Variants in PCSK6 observed in about 807,000 individuals in gnomAD.
PCSK6 encodes paired basic amino acid cleaving enzyme 4.
A neutral mutation model predicts 123.3 loss-of-function variants in PCSK6; 85 were observed. The ratio of observed to expected loss-of-function variants is 0.69; its 90% CI spans 0.58 to 0.83. The LOEUF (loss-of-function observed/expected upper bound fraction) is 0.83. Ranked by LOEUF, PCSK6 falls within the 40% of genes least tolerant of loss-of-function variation. The pLI is 0.00. For missense variants in PCSK6, 1,191 were observed against 1,282.3 expected (o/e 0.93, Z 1.09); for synonymous variants, 508 against 516.0 (o/e 0.98, Z 0.21).
chr15:101,431,452 G>T lies in PCSK6; in HGVS notation c.525C>A (p.Asp175Glu), dbSNP rs1264289494. The T allele has an allele frequency of 6.2e-7, 1 of 1,613,662 alleles. No individual in the cohort carries two copies. Among genetic ancestry groups the T allele is most frequent in the Non-Finnish European group, 8.5e-7 (1 of 1,179,786 alleles). Residue 175 changes from aspartate to glutamate, a missense_variant, in exon 4 of 22, where the codon GAC becomes GAA. Around this residue, in one of 3 missense-constraint regions of PCSK6, gnomAD observed 357 missense variants for 484.5 expected, o/e 0.74. Transcript: ENST00000611716. ...TTTCCGACCGGCAGCGACTGTTCTT[G>T]TCGCCACAATGCTGTAAGCACGAAA... The part of the protein sequence containing the change: ...WSNMWYLHCG[D>E]KNSRCRSEMN...
At chr15:101,449,779 A>C (rs1466898476) in intron 1 of PCSK6, among the ~76,000 whole-genome samples, 3 of 152,084 alleles carry the variant, frequency 2.0e-5, no homozygotes. Context: ...AGATACCGAG[A>C]AGACAGGCCC....
intron 2 of PCSK6, among the ~76,000 whole-genome samples, chr15:101,434,312 T>C (rs2412013): frequency 0.6 from 90,751 of 152,120 alleles, 28,338 homozygotes; most frequent in African/African-American, 0.79. Flanking sequence ...CTGAACTCTC[T>C]GTTCTAACAA....
chr15:101,471,836 A>T (rs958223322), intron 1 of PCSK6, among the ~76,000 whole-genome samples: 2 of 151,730 alleles, frequency 1.3e-5, no homozygotes, highest in African/African-American at 4.8e-5. Flanking sequence ...CAGTTCTAGA[A>T]CCTCCTCTGA....
At chr15:101,364,870 C>G in intron 13 of PCSK6, 1 of 591,244 alleles carries the variant, frequency 1.7e-6, no homozygotes, top group Non-Finnish European at 3.2e-6. Flanking sequence ...AAAGAACCAC[C>G]AAGTTGGAGG....
At chr15:101,436,431 CTT>C (rs2056603992) in intron 2 of PCSK6, among the ~76,000 whole-genome samples, 1 of 152,226 alleles carries the variant, frequency 6.6e-6, no homozygotes, top group South Asian at 2.1e-4. Context: ...TCGGCCAGCT[CTT>C]TCTTTTCTCT....
At chr15:101,363,334 G>T (rs1596235474) in intron 13 of PCSK6, among the ~76,000 whole-genome samples, 1 of 152,292 alleles carries the variant, frequency 6.6e-6, no homozygotes, top group South Asian at 2.1e-4. Context: ...GGTTTCCAGG[G>T]CTATGCCATG....
chr15:101,441,845 C>T (rs765800875), intron 2 of PCSK6, among the ~76,000 whole-genome samples: 2 of 152,220 alleles, frequency 1.3e-5, no homozygotes, highest in East Asian at 1.9e-4. Context: ...TTTCTTCACA[C>T]GGCAGATCAA....
At chr15:101,382,379 C>T (rs1346479953) in intron 10 of PCSK6, among the ~76,000 whole-genome samples, 170 bp from the exon 11 acceptor site, 1 of 152,188 alleles carries the variant, frequency 6.6e-6, no homozygotes, top group African/African-American at 2.4e-5. Flanking sequence ...GCTCAAAGGT[C>T]CCAGCTGCCT....
At chr15:101,306,582 T>C (rs1263663549) in intron 21 of PCSK6, among the ~76,000 whole-genome samples, 1 of 152,218 alleles carries the variant, frequency 6.6e-6, no homozygotes, top group Non-Finnish European at 1.5e-5. Flanking sequence ...CAATGACTCC[T>C]GCACTGCACC....
rs77593709 is a variant in PCSK6, at chr15:101,314,084, T to C, written c.2570-579A>G. On this transcript the variant is annotated intron_variant, in intron 19 of 21. Transcript: ENST00000611716. Reference sequence around the variant, plus strand: ...TGACGGGGGAAGATGAAAGAAGAGATCTTTGGGAATGGTGTTGACAGGTGT... The same window carrying C: ...TGACGGGGGAAGATGAAAGAAGAGACCTTTGGGAATGGTGTTGACAGGTGT... Among the ~76,000 whole-genome samples, 1,139 of 152,264 alleles carry C rather than the reference T, an allele frequency of 7.5e-3. 47 individuals carry two copies. The East Asian group carries it at 0.097, about 13-fold the overall frequency.
At position 101,322,553 on chromosome 15, in the gene PCSK6, G is replaced by A. The variant is rs2040151041; in HGVS notation, c.2432C>T (p.Pro811Leu). 1 of 1,613,708 alleles carries A rather than the reference G, an allele frequency of 6.2e-7. No individual in the cohort carries two copies. The highest frequency in any genetic ancestry group is 8.5e-7 in the Non-Finnish European group (1 of 1,179,696). ...TTCTTTACAGACAGTACATTTCTCA[G>A]GTTCATCCACGCACTTTTTACAGCT... is the stretch of plus-strand genomic sequence containing the variant. ...HPSCKKCVDE[P>L]EKCTVCKEGF... The change falls in exon 18 of 22, where the codon CCT (proline) becomes CTT (leucine). Residue 811 changes from proline (P) to leucine (L), a missense_variant. By Grantham distance (98) the Pro-to-Leu change is moderately conservative (BLOSUM62 -3). This residue lies in a region of PCSK6 where 630 missense variants were observed against 631.4 expected (regional missense o/e 1.00). Transcript: ENST00000611716.
chr15:101,316,010 C>T (rs2039983248), intron 19 of PCSK6, among the ~76,000 whole-genome samples: 1 of 152,234 alleles, frequency 6.6e-6, no homozygotes, highest in South Asian at 2.1e-4. Flanking sequence ...ACCCTCCCCA[C>T]GACTGTGCCC....
intron 17 of PCSK6, among the ~76,000 whole-genome samples, chr15:101,323,750 G>A (rs1214068623): frequency 6.6e-6 from 1 of 151,842 alleles, no homozygotes; most frequent in Non-Finnish European, 1.5e-5. Flanking sequence ...AAAAAAAGGG[G>A]GTGTCTTGTT....
At chr15:101,336,561 C>T (rs1452782091) in intron 13 of PCSK6, among the ~76,000 whole-genome samples, 7 of 152,174 alleles carry the variant, frequency 4.6e-5, no homozygotes, top group Admixed American at 3.9e-4. Flanking sequence ...GCATCCTTTT[C>T]ATATAATTAA....
intron 1 of PCSK6, among the ~76,000 whole-genome samples, chr15:101,488,992 G>A (rs1182866882): frequency 6.7e-6 from 1 of 150,290 alleles, no homozygotes; most frequent in Non-Finnish European, 1.5e-5. Flanking sequence ...ACCCAGCGGC[G>A]GACGGCGCGC....
chr15:101,383,557 G>A (rs1224365318), intron 10 of PCSK6, among the ~76,000 whole-genome samples: 1 of 152,158 alleles, frequency 6.6e-6, no homozygotes, highest in African/African-American at 2.4e-5. Flanking sequence ...GTACCAGGCT[G>A]GGCTGAGGGT....
intron 6 of PCSK6, among the ~76,000 whole-genome samples, chr15:101,399,495 G>T (rs2042523063): frequency 6.6e-6 from 1 of 152,152 alleles, no homozygotes; most frequent in African/African-American, 2.4e-5. Flanking sequence ...CCCAAAAAGA[G>T]AGGGGTGAGG....
intron 13 of PCSK6, among the ~76,000 whole-genome samples, chr15:101,335,631 AAC>A (rs1216753579): frequency 1.3e-5 from 2 of 152,218 alleles, no homozygotes; most frequent in African/African-American, 4.8e-5. Context: ...GTTTTCCATT[AAC>A]AGTGTATCCT....
intron 3 of PCSK6, 123 bp downstream of exon 3, chr15:101,431,867 C>T: frequency 1.3e-6 from 1 of 760,534 alleles, no homozygotes; most frequent in Non-Finnish European, 2.3e-6. Flanking sequence ...TTTACACCCT[C>T]AAGGTGAAGT....
Sources: gnomAD v4.1 joint callset for allele counts (sites outside exome capture counted in the v4.1 genomes callset) on GRCh38, gnomAD v4.1.1 for gene constraint, gnomAD v4.1.1 regional missense constraint, MANE v1.5 for transcripts, NCBI Gene and HGNC (gene_info 2026-07-23, HGNC 2026-07-21) for gene names.